USP33: variants seen among roughly 807,000 people sequenced by gnomAD.
The protein encoded by USP33 is ubiquitin carboxyl-terminal hydrolase 33.
A neutral mutation model predicts 124.2 loss-of-function variants in USP33; 46 were observed. The ratio of observed to expected loss-of-function variants is 0.37; its 90% CI spans 0.29 to 0.47. The LOEUF is 0.47. Ranked by LOEUF, USP33 falls within the 20% of genes least tolerant of loss-of-function variation. The pLI is 0.99. For missense variants in USP33, 851 were observed against 1,070.6 expected (o/e 0.79, Z 2.86); for synonymous variants, 350 against 352.3 (o/e 0.99, Z 0.07).
intron 3 of USP33, 85 bp downstream of exon 3, chr1:77,741,287 TTAAG>T (rs1376775306): frequency 1.0e-5 from 13 of 1,299,370 alleles, no homozygotes; most frequent in African/African-American, 1.5e-5. Context: ...AAAAATCACT[TTAAG>T]TATCAAAAAT....
chr1:77,723,805 C>T (rs111940000), intron 11 of USP33, among the ~76,000 whole-genome samples: 5,731 of 152,056 alleles, frequency 0.038, 124 homozygotes, highest in Middle Eastern at 0.085. Context: ...GCTGGGACTA[C>T]AGGCGCCCAC....
At chr1:77,720,348 T>C in intron 15 of USP33, 1 of 985,420 alleles carries the variant, frequency 1.0e-6, no homozygotes, top group African/African-American at 1.7e-5. Flanking sequence ...TATGCTTTGC[T>C]TTACAAGGAA....
chr1:77,711,678 A>G (rs1163717898), intron 21 of USP33, 69 bp downstream of exon 21: 1 of 1,565,522 alleles, frequency 6.4e-7, no homozygotes, highest in Non-Finnish European at 8.6e-7. Context: ...TATTAATATC[A>G]TATAACTCTG....
At position 77,725,702 on chromosome 1, in the gene USP33, T is replaced by C. The variant is rs751985694; in HGVS notation, c.1196A>G (p.Glu399Gly). 22 of 1,614,036 alleles carry C rather than the reference T, an allele frequency of 1.4e-5. No homozygotes were observed. In the East Asian group the frequency reaches 4.9e-4, roughly 36 times the overall value. ...LSTPQILPSN[E>G]GVNPRLSASP... Reference sequence around the variant, plus strand: ...TGCCGATAAACGTGGATTAACACCTTCATTTGATGGAAGGATCTGTGGTGT... The same window carrying C: ...TGCCGATAAACGTGGATTAACACCTCCATTTGATGGAAGGATCTGTGGTGT... Residue 399 changes from glutamate (E) to glycine (G), a missense_variant, in exon 11 of 24, where the codon GAA becomes GGA. Coordinates refer to ENST00000370794, the MANE Select transcript of USP33 (RefSeq NM_201624.3).
intron 1 of USP33, among the ~76,000 whole-genome samples, chr1:77,756,003 T>C (rs1457584421): frequency 1.3e-5 from 2 of 152,202 alleles, no homozygotes; most frequent in East Asian, 1.9e-4. Context: ...TTTTTCACTT[T>C]CCTTAAAAAA....
chr1:77,737,983 G>A (rs777299396), intron 5 of USP33, among the ~76,000 whole-genome samples: 7 of 152,074 alleles, frequency 4.6e-5, no homozygotes, highest in Admixed American at 2.6e-4. Context: ...AGGATTCAAC[G>A]AAACGGCCAT....
chr1:77,705,541 TGGAGTGCAG>T (rs936525767), intron 21 of USP33, among the ~76,000 whole-genome samples: 2 of 152,076 alleles, frequency 1.3e-5, no homozygotes, highest in African/African-American at 4.8e-5. Context: ...TTGCCTAGGC[TGGAGTGCAG>T]GGTCATGGTC....
At chr1:77,711,995 CTTG>C (rs1423508004) in intron 20 of USP33, 140 bp from the exon 21 acceptor site, 4 of 802,974 alleles carry the variant, frequency 5.0e-6, no homozygotes, top group Non-Finnish European at 5.7e-6. Context: ...CATATAAGGA[CTTG>C]TTATTATGTT....
intron 1 of USP33, among the ~76,000 whole-genome samples, chr1:77,757,888 G>C (rs898099165): frequency 2.6e-5 from 4 of 152,174 alleles, no homozygotes; most frequent in African/African-American, 9.7e-5. Flanking sequence ...CTGTGTAAGT[G>C]AAAGGTCACA....
intron 21 of USP33, among the ~76,000 whole-genome samples, chr1:77,709,772 C>CAT (rs1675031314): frequency 1.3e-5 from 2 of 150,672 alleles, no homozygotes; most frequent in African/African-American, 2.4e-5. Context: ...AACATATAGA[C>CAT]ATATATATAT....
rs921442642 is a variant in USP33, at chr1:77,741,898, G to A, written c.-51-150C>T. ...TATAAGTTTGCCCTGTAAAAAGAGT[G>A]TATTCTCAAACATAGATGAGTTTTC... On this transcript the variant is annotated intron_variant, in intron 1 of 23. Transcript: ENST00000370794. The A allele has an allele frequency of 9.9e-5, 74 of 743,904 alleles. No homozygotes were observed. The African/African-American group carries it at 1.2e-3, about 13-fold the overall frequency. 46.1% of individuals were successfully genotyped at this position (743,904 alleles called of 1,614,324 possible).
At chr1:77,739,175 T>G in intron 5 of USP33, 90 bp downstream of exon 5, 2 of 1,458,724 alleles carry the variant, frequency 1.4e-6, no homozygotes, top group East Asian at 4.6e-5. Context: ...GGTTAGGCAG[T>G]ATTCCTTTTG....
intron 21 of USP33, 98 bp downstream of exon 21, chr1:77,711,649 C>A: frequency 2.0e-6 from 3 of 1,521,866 alleles, no homozygotes; most frequent in East Asian, 4.6e-5. Context: ...TCTATTACAA[C>A]TCTTTCATCT....
intron 10 of USP33, among the ~76,000 whole-genome samples, chr1:77,726,778 G>A (rs897736863): frequency 1.3e-5 from 2 of 151,962 alleles, no homozygotes; most frequent in Non-Finnish European, 2.9e-5. Flanking sequence ...GTAATCATAA[G>A]TTATTTTATC....
intron 7 of USP33, among the ~76,000 whole-genome samples, chr1:77,731,527 C>T (rs1677805844): frequency 6.6e-6 from 1 of 151,964 alleles, no homozygotes; most frequent in Admixed American, 6.6e-5. Context: ...CATCTCTTTG[C>T]CAAGTGTAAT....
At chr1:77,744,204 G>A (rs752715793) in intron 1 of USP33, among the ~76,000 whole-genome samples, 2 of 150,856 alleles carry the variant, frequency 1.3e-5, no homozygotes, top group Non-Finnish European at 3.0e-5. Context: ...CAAAGCTTAA[G>A]GACATTTAAA....
chr1:77,720,911 T>C (rs1186258827), intron 15 of USP33, among the ~76,000 whole-genome samples: 2 of 152,210 alleles, frequency 1.3e-5, no homozygotes, highest in Non-Finnish European at 2.9e-5. Flanking sequence ...TTGCCTTATT[T>C]AGGAAAACGT....
intron 21 of USP33, among the ~76,000 whole-genome samples, chr1:77,705,460 GC>G (rs1278160151): frequency 6.6e-6 from 1 of 152,040 alleles, no homozygotes; most frequent in African/African-American, 2.4e-5. Flanking sequence ...CTCCCAAGGT[GC>G]TGGGATTACA....
chr1:77,703,980 G>A (rs1031941685), intron 21 of USP33, among the ~76,000 whole-genome samples: 2 of 152,076 alleles, frequency 1.3e-5, no homozygotes, highest in South Asian at 2.1e-4. Context: ...GGGTATGGTG[G>A]CACACGCCTA....
Sources: gnomAD v4.1 joint callset for allele counts (sites outside exome capture counted in the v4.1 genomes callset) on GRCh38, gnomAD v4.1.1 for gene constraint, MANE v1.5 for transcripts, NCBI Gene and HGNC (gene_info 2026-07-23, HGNC 2026-07-21) for gene names.